NAV2: variants seen among roughly 807,000 people sequenced by gnomAD.
NAV2 encodes helicase, APC down-regulated 1.
Under a neutral mutation model 223.2 loss-of-function variants are expected in NAV2, and 54 were observed. That is an observed-to-expected ratio of 0.24 (90% CI 0.19 to 0.30). The LOEUF is 0.30. NAV2 is among the 10% of genes least tolerant of loss of function. NAV2 has a pLI of 1.00. For synonymous variants in NAV2, 1,279 were observed against 1,239.3 expected, an observed-to-expected ratio of 1.03 and a Z score of -0.67; for missense variants, 2,806 against 3,147.5, an observed-to-expected ratio of 0.89 and a Z score of 2.60.
chr11:19,623,113 A>G (rs60458689), intron 1 of NAV2, among the ~76,000 whole-genome samples: 13 of 152,200 alleles, frequency 8.5e-5, no homozygotes, highest in African/African-American at 2.9e-4. Context: ...TCTAGCTTAT[A>G]GAGTTTCTGC....
intron 3 of NAV2, among the ~76,000 whole-genome samples, chr11:19,854,214 G>A (rs923888011): frequency 3.3e-5 from 5 of 152,096 alleles, no homozygotes; most frequent in African/African-American, 7.2e-5. Context: ...GTGTTTTTTT[G>A]TATATGTGTT....
chr11:19,566,030 A>ATATTTTATTTTATTTTATTT (rs1252750763), intron 1 of NAV2, among the ~76,000 whole-genome samples: 186 of 95,886 alleles, frequency 1.9e-3, no homozygotes, highest in African/African-American at 6.8e-3. Flanking sequence ...CTATCCAAGG[A>ATATTTTATTTTATTTTATTT]GATTTTATTT....
intron 1 of NAV2, among the ~76,000 whole-genome samples, chr11:19,455,475 T>C (rs1851929101): frequency 1.3e-5 from 2 of 152,176 alleles, no homozygotes; most frequent in African/African-American, 4.8e-5. Flanking sequence ...ACATATGAAA[T>C]TGAATGAATT....
At chr11:19,438,601 A>T (rs1851292139) in intron 1 of NAV2, among the ~76,000 whole-genome samples, 1 of 152,230 alleles carries the variant, frequency 6.6e-6, no homozygotes, top group Non-Finnish European at 1.5e-5. Flanking sequence ...ACCCAGTGAC[A>T]TTGACCAATC....
chr11:20,107,483 CAG>C, intron 35 of NAV2, 179 bp from the exon 36 acceptor site: 1 of 613,136 alleles, frequency 1.6e-6, no homozygotes, highest in Non-Finnish European at 2.9e-6. Flanking sequence ...AATCAGGGAT[CAG>C]AGTGTCCTTC....
At chr11:19,741,725 A>C (rs1456797314) in intron 1 of NAV2, among the ~76,000 whole-genome samples, 30 of 133,942 alleles carry the variant, frequency 2.2e-4, no homozygotes, top group African/African-American at 6.9e-4. Context: ...ATATATATAT[A>C]TATCACAATT....
At chr11:19,604,021 C>T (rs1446703022) in intron 1 of NAV2, among the ~76,000 whole-genome samples, 2 of 151,632 alleles carry the variant, frequency 1.3e-5, no homozygotes, top group Non-Finnish European at 2.9e-5. Context: ...GAGCGTGTGG[C>T]TGGGGGAGAG....
chr11:19,357,577 A>G (rs2133758034), intron 1 of NAV2, among the ~76,000 whole-genome samples: 1 of 152,274 alleles, frequency 6.6e-6, no homozygotes, highest in African/African-American at 2.4e-5. Flanking sequence ...AATCCCTGTA[A>G]GAGGCCTATT....
intron 12 of NAV2, among the ~76,000 whole-genome samples, chr11:20,042,311 A>C (rs2056998501): frequency 6.6e-6 from 1 of 152,178 alleles, no homozygotes; most frequent in Non-Finnish European, 1.5e-5. Context: ...TTGTGGCCTG[A>C]AAAGCGTGTG....
intron 1 of NAV2, among the ~76,000 whole-genome samples, chr11:19,543,152 G>A (rs1326388900): frequency 6.6e-6 from 1 of 152,148 alleles, no homozygotes; most frequent in African/African-American, 2.4e-5. Context: ...AAAGCCCTGG[G>A]TTCAAATCCC....
chr11:19,525,818 A>G (rs1388454750), intron 1 of NAV2, among the ~76,000 whole-genome samples: 2 of 152,088 alleles, frequency 1.3e-5, no homozygotes, highest in Non-Finnish European at 2.9e-5. Context: ...GAGGAAGTTT[A>G]ACCTTTCTCC....
At chr11:19,869,904 G>A (rs1479055082) in intron 4 of NAV2, among the ~76,000 whole-genome samples, 4 of 152,194 alleles carry the variant, frequency 2.6e-5, no homozygotes, top group Non-Finnish European at 5.9e-5. Context: ...ATTCCATCTG[G>A]GACCTGTTCC....
rs73424384 is a variant in NAV2 at position 19,662,485 on chromosome 11, T to G, written c.76-169999T>G. On this transcript the variant is annotated intron_variant, in intron 1 of 37. Transcript: ENST00000360655. ...GATCCCTGCCTCCTCAGGGAAAGAA[T>G]AGCAATTGCTGAGAGGCCTACCTTT... is the stretch of plus-strand genomic sequence containing the variant. 9.6e-3 allele frequency among the ~76,000 whole-genome samples: 1,462 copies of G among 152,326 alleles called. 22 individuals are homozygous for G. Among genetic ancestry groups the G allele is most frequent in the African/African-American group, 0.033 (1,392 of 41,584 alleles).
intron 36 of NAV2, 30 bp from the exon 37 acceptor site, chr11:20,114,562 C>T: frequency 1.2e-6 from 2 of 1,610,886 alleles, no homozygotes; most frequent in Non-Finnish European, 1.7e-6. Flanking sequence ...TGGGCCACTT[C>T]CAGACTGTTC....
intron 10 of NAV2, among the ~76,000 whole-genome samples, chr11:19,977,801 T>TC (rs1369398410): frequency 1.4e-5 from 2 of 140,968 alleles, no homozygotes; most frequent in East Asian, 2.0e-4. Flanking sequence ...CTTTTTTCTT[T>TC]TTTTTTTTTT....
chr11:19,936,081 C>T (rs1284388213), intron 7 of NAV2, among the ~76,000 whole-genome samples: 1 of 149,792 alleles, frequency 6.7e-6, no homozygotes, highest in African/African-American at 2.5e-5. Context: ...GTTGTCCAGG[C>T]TGGTCTTGAA....
chr11:19,484,630 G>A (rs888834351), intron 1 of NAV2, among the ~76,000 whole-genome samples: 2 of 152,164 alleles, frequency 1.3e-5, no homozygotes, highest in South Asian at 2.1e-4. Context: ...TCTTTCTCAG[G>A]AGGAGGCAGA....
intron 1 of NAV2, among the ~76,000 whole-genome samples, chr11:19,471,066 C>T (rs2041949470): frequency 6.6e-6 from 1 of 152,152 alleles, no homozygotes; most frequent in Non-Finnish European, 1.5e-5. Flanking sequence ...TTTGGTGTCC[C>T]CCAGACTTAC....
At chr11:19,921,454 T>C (rs1462761187) in intron 6 of NAV2, among the ~76,000 whole-genome samples, 1 of 152,234 alleles carries the variant, frequency 6.6e-6, no homozygotes, top group African/African-American at 2.4e-5. Context: ...GACTGCTAAA[T>C]TGTCTGACGT....
Sources: allele counts gnomAD v4.1 joint callset (sites outside exome capture counted in the v4.1 genomes callset), GRCh38; gene constraint gnomAD v4.1.1; transcripts MANE v1.5; gene names NCBI Gene and HGNC (gene_info 2026-07-23, HGNC 2026-07-21).